Variants in GLIS3 observed in about 807,000 individuals in gnomAD.
The protein encoded by GLIS3 is zinc finger protein GLIS3.
Under a neutral mutation model 78.6 loss-of-function variants are expected in GLIS3, and 53 were observed. That is an observed-to-expected ratio of 0.67 (90% CI 0.54 to 0.85). The LOEUF (loss-of-function observed/expected upper bound fraction) is 0.85. Among genes scored for constraint, GLIS3 ranks in the 40% least tolerant of loss-of-function variants. The pLI is 0.00. For synonymous variants in GLIS3, 684 were observed against 509.9 expected, an observed-to-expected ratio of 1.34 and a Z score of -4.60; for missense variants, 1,703 against 1,231.1, an observed-to-expected ratio of 1.38 and a Z score of -5.74.
chr9:3,949,645 T>C (rs1364289304), intron 4 of GLIS3, among the ~76,000 whole-genome samples: 1 of 152,220 alleles, frequency 6.6e-6, no homozygotes, highest in Admixed American at 6.5e-5. Flanking sequence ...ACTTTACTGG[T>C]GGGAAAAAGA....
chr9:4,178,141 G>A (rs1002959542), intron 2 of GLIS3, among the ~76,000 whole-genome samples: 1 of 152,164 alleles, frequency 6.6e-6, no homozygotes, highest in Non-Finnish European at 1.5e-5. Flanking sequence ...ATCTCCAAGT[G>A]AACTAGAATG....
chr9:4,294,348 A>G (rs562783832), intron 1 of GLIS3, among the ~76,000 whole-genome samples: 1 of 152,166 alleles, frequency 6.6e-6, no homozygotes, highest in Non-Finnish European at 1.5e-5. Context: ...CATCTCTACT[A>G]AAAATACAAA....
the GLIS3 span, among the ~76,000 whole-genome samples, chr9:4,382,816 T>G: frequency 6.6e-6 from 1 of 152,196 alleles, no homozygotes; most frequent in East Asian, 1.9e-4. Flanking sequence ...TAATACAGTT[T>G]AAGCAGACCA....
At chr9:4,451,753 T>A in the GLIS3 span, among the ~76,000 whole-genome samples, 1 of 152,136 alleles carries the variant, frequency 6.6e-6, no homozygotes, top group East Asian at 1.9e-4. Context: ...GACTACTGGG[T>A]ACATAATGAA....
intron 2 of GLIS3, among the ~76,000 whole-genome samples, chr9:4,148,816 G>C (rs1019822837): frequency 6.6e-6 from 1 of 152,078 alleles, no homozygotes; most frequent in African/African-American, 2.4e-5. Context: ...TTGCTGAGAA[G>C]CCTGGAGTGG....
intron 4 of GLIS3, among the ~76,000 whole-genome samples, chr9:4,089,461 A>C (rs201665732): frequency 1.3e-5 from 2 of 152,192 alleles, no homozygotes; most frequent in East Asian, 3.8e-4. Context: ...AAATATGAAA[A>C]AAGGAAAATA....
intron 2 of GLIS3, among the ~76,000 whole-genome samples, chr9:4,279,006 A>G (rs1267311718): frequency 1.3e-5 from 2 of 152,158 alleles, no homozygotes; most frequent in Non-Finnish European, 2.9e-5. Context: ...TAAACTCTTT[A>G]AAAATATCAG....
At chr9:4,392,054 T>C in the GLIS3 span, among the ~76,000 whole-genome samples, 1 of 152,182 alleles carries the variant, frequency 6.6e-6, no homozygotes, top group African/African-American at 2.4e-5. Flanking sequence ...TTATACACCA[T>C]GGAATACTAT....
chr9:3,999,645 G>C (rs1022012469), intron 4 of GLIS3, among the ~76,000 whole-genome samples: 1 of 152,104 alleles, frequency 6.6e-6, no homozygotes, highest in African/African-American at 2.4e-5. Context: ...TTCATGGACA[G>C]CATATTCAAC....
chr9:4,413,966 T>A, the GLIS3 span, among the ~76,000 whole-genome samples: 1 of 152,136 alleles, frequency 6.6e-6, no homozygotes, highest in East Asian at 1.9e-4. Context: ...TTTACAGACC[T>A]GTGGCCAGAT....
intron 4 of GLIS3, among the ~76,000 whole-genome samples, chr9:3,981,356 T>A (rs144055927): frequency 6.6e-6 from 1 of 152,316 alleles, no homozygotes; most frequent in East Asian, 1.9e-4. Flanking sequence ...GAAGTCGACA[T>A]TGGATGCAAA....
chr9:4,160,689 A>C (rs11791641), intron 2 of GLIS3, among the ~76,000 whole-genome samples: 1,809 of 152,316 alleles, frequency 0.012, 13 homozygotes, highest in Non-Finnish European at 0.017. Context: ...TACAATTTCA[A>C]TATTTATCCC....
intron 4 of GLIS3, among the ~76,000 whole-genome samples, chr9:3,974,486 T>C (rs1459395271): frequency 6.6e-6 from 1 of 152,172 alleles, no homozygotes; most frequent in Non-Finnish European, 1.5e-5. Context: ...GTGCTTTTAA[T>C]GCAATTGGGG....
At chr9:4,324,038 A>C (rs1179878819) in intron 2 of GLIS3, among the ~76,000 whole-genome samples, 4 of 152,064 alleles carry the variant, frequency 2.6e-5, no homozygotes, top group Non-Finnish European at 5.9e-5. Flanking sequence ...ACATCTGTTC[A>C]TTTACTCACC....
chr9:4,042,904 T>C (rs1408707311), intron 4 of GLIS3, among the ~76,000 whole-genome samples: 2 of 148,384 alleles, frequency 1.3e-5, no homozygotes, highest in African/African-American at 5.0e-5. Flanking sequence ...ATGAGCAGAA[T>C]GCAGCTATGT....
intron 4 of GLIS3, among the ~76,000 whole-genome samples, chr9:4,029,443 T>A (rs1365607905): frequency 1.3e-5 from 2 of 152,232 alleles, no homozygotes; most frequent in African/African-American, 2.4e-5. Context: ...TAAGCATTTA[T>A]CCTTCGAGTT....
chr9:4,400,525 T>C, the GLIS3 span, among the ~76,000 whole-genome samples: 1 of 152,240 alleles, frequency 6.6e-6, no homozygotes. Flanking sequence ...GCCATTTCTT[T>C]ACCTATATTG....
intron 8 of GLIS3, among the ~76,000 whole-genome samples, chr9:3,861,420 T>C (rs950436989): frequency 3.3e-5 from 5 of 152,076 alleles, no homozygotes; most frequent in African/African-American, 4.8e-5. Flanking sequence ...CCAAATCCCA[T>C]TACTTTGGGT....
chr9:3,879,656 T>C, intron 7 of GLIS3, 61 bp from the exon 8 acceptor site: 6 of 1,570,234 alleles, frequency 3.8e-6, no homozygotes, highest in Non-Finnish European at 5.2e-6. Flanking sequence ...GTTTTTTAAA[T>C]ACCGAAGCCT....
Sources: allele counts gnomAD v4.1 joint callset (sites outside exome capture counted in the v4.1 genomes callset), GRCh38; gene constraint gnomAD v4.1.1; transcripts MANE v1.5; gene names NCBI Gene and HGNC (gene_info 2026-07-23, HGNC 2026-07-21).